The following BDP1 variants were observed in gnomAD, a reference collection of about 807,000 sequenced individuals.
The protein encoded by BDP1 is BDP1 general transcription factor IIIB subunit.
BDP1 carries 169 observed loss-of-function variants against 266.6 expected under a neutral mutation model. The observed-to-expected ratio is 0.63, with a 90% CI of 0.56 to 0.72. The LOEUF (loss-of-function observed/expected upper bound fraction) is 0.72. BDP1 is among the 30% of genes least tolerant of loss of function. BDP1 has a pLI of 0.00. For synonymous variants in BDP1, 1,090 were observed against 1,022.4 expected, an observed-to-expected ratio of 1.07 and a Z score of -1.26; for missense variants, 3,015 against 3,053.8, an observed-to-expected ratio of 0.99 and a Z score of 0.30.
intron 31 of BDP1, among the ~76,000 whole-genome samples, chr5:71,544,782 A>G (rs929244652): frequency 3.0e-4 from 43 of 145,736 alleles, no homozygotes; most frequent in African/African-American, 9.6e-4. Context: ...TGGGAGGCCG[A>G]GGCAGGAGAA....
chr5:71,572,308 G>T (rs1744292050), downstream of BDP1, among the ~76,000 whole-genome samples: 1 of 152,066 alleles, frequency 6.6e-6, no homozygotes, highest in East Asian at 1.9e-4. Flanking sequence ...ATCCCCCTTT[G>T]TTCAGTCCAC....
At position 71,495,302 on chromosome 5, in the gene BDP1, TC is replaced by T; in HGVS notation, c.1694del (p.Ser565Ter). Reference sequence around the variant, plus strand: ...AACTGAGTCTTCAGAATCAAGCACTTCAGATTTGCCTTCATTCGAAGTTGGA... The same window carrying T: ...AACTGAGTCTTCAGAATCAAGCACTTAGATTTGCCTTCATTCGAAGTTGGA... ...VATESSESST[S>X]DLPSFEVGIR... On this transcript the variant is annotated frameshift_variant, in exon 12 of 39. Transcript: ENST00000358731. LOFTEE classifies it high-confidence loss of function. The T allele has an allele frequency of 6.2e-7, 1 of 1,606,336 alleles. No homozygotes were observed. Among genetic ancestry groups the T allele is most frequent in the Non-Finnish European group, 8.5e-7 (1 of 1,175,606 alleles).
intron 19 of BDP1, among the ~76,000 whole-genome samples, chr5:71,514,028 C>T (rs964506126): frequency 1.3e-5 from 2 of 151,906 alleles, no homozygotes; most frequent in African/African-American, 2.4e-5. Context: ...CGAGAATAAT[C>T]GTTTTTTATT....
chr5:71,553,006 T>C, intron 34 of BDP1, 110 bp from the exon 35 acceptor site: 1 of 898,548 alleles, frequency 1.1e-6, no homozygotes, highest in South Asian at 1.8e-5. Flanking sequence ...TTCATTGGAA[T>C]ACCTCAGCCT....
chr5:71,548,476 A>T (rs977834645), intron 32 of BDP1, among the ~76,000 whole-genome samples: 13 of 152,172 alleles, frequency 8.5e-5, no homozygotes, highest in Non-Finnish European at 1.6e-4. Context: ...GCACATATTT[A>T]ACAATGTAGT....
Position 71,523,950 on chromosome 5 carries a change from C to G in BDP1, c.5399C>G (p.Pro1800Arg), listed in dbSNP as rs780875683. Residue 1800 changes from proline (P) to arginine (R), a missense_variant, in exon 25 of 39, where the codon CCG (proline) becomes CGG (arginine). By Grantham distance (103) the Pro-to-Arg change is moderately radical. Transcript: ENST00000358731. ...YLNKLTSCPQ[P>R]LNETSYSKIA... is the part of the protein sequence containing the mutation. The stretch of plus-strand genomic sequence containing the variant: ...GATTAAATATCTAGCTGTCCACAAC[C>G]GTTAAACGAAACAAGTTACTCTAAA... 3.1e-6 allele frequency: 5 copies of G among 1,612,828 alleles called. No individual in the cohort carries two copies. The South Asian group carries it at 4.4e-5, about 14-fold the overall frequency.
At chr5:71,503,093 C>A (rs1264699737) in intron 15 of BDP1, among the ~76,000 whole-genome samples, 4 of 151,298 alleles carry the variant, frequency 2.6e-5, no homozygotes, top group Non-Finnish European at 5.9e-5. Context: ...TTCACATGAT[C>A]TATAATGTTT....
chr5:71,494,774 G>GGT (rs1763782841), intron 11 of BDP1: 1 of 152,248 alleles, frequency 6.6e-6, no homozygotes, highest in Non-Finnish European at 1.5e-5. Context: ...GGAGTGCAGT[G>GGT]GTGTGATTCC....
intron 7 of BDP1, 48 bp downstream of exon 7, chr5:71,470,537 A>T: frequency 8.1e-7 from 1 of 1,228,882 alleles, no homozygotes; most frequent in Non-Finnish European, 1.2e-6. Context: ...ACCAAACATT[A>T]CAAATGTTAG....
At position 71,560,203 on chromosome 5, in the gene BDP1, A is replaced by G; in HGVS notation, c.7462A>G (p.Ser2488Gly). Residue 2488 changes from serine to glycine, a missense_variant, in exon 37 of 39, where the codon AGC becomes GGC. Ser to Gly is a moderately conservative substitution (Grantham distance 56). Transcript: ENST00000358731. ...DAAPKSQQMD[S>G]RTSSSKASLS... ...TGCTCCTAAGTCTCAGCAAATGGAT[A>G]GCAGAACATCGTCTTCTAAAGCCTC... The G allele has an allele frequency of 6.2e-7, 1 of 1,614,182 alleles. No individual in the cohort carries two copies. Among genetic ancestry groups the G allele is most frequent in the South Asian group, 1.1e-5 (1 of 91,078 alleles).
Position 71,504,753 on chromosome 5 carries a change from T to C in BDP1, c.2372+2T>C, listed in dbSNP as rs1764478756. On this transcript the variant is annotated splice_donor_variant, in intron 16 of 38. Coordinates refer to ENST00000358731, the MANE Select transcript of BDP1 (RefSeq NM_018429.3). LOFTEE classifies it high-confidence loss of function. Reference sequence around the variant, plus strand: ...CAAGGTTCTTAATGAATGTCTAAGGTAAGCATCATTTTGTTGATATATAAT... The same window carrying C: ...CAAGGTTCTTAATGAATGTCTAAGGCAAGCATCATTTTGTTGATATATAAT... 3 of 1,611,156 alleles carry C rather than the reference T, an allele frequency of 1.9e-6. No individual in the cohort carries two copies. Among genetic ancestry groups the C allele is most frequent in the Middle Eastern group, 1.7e-4 (1 of 6,054 alleles).
In BDP1 at chr5:71,524,107, G is replaced by T; in HGVS notation, c.5556G>T (p.Lys1852Asn). The change falls in exon 25 of 39, where the codon AAG (lysine) becomes AAT (asparagine). Residue 1852 changes from lysine (K) to asparagine (N), a missense_variant. By Grantham distance (94) the Lys-to-Asn change is moderately conservative (BLOSUM62 0). Around this residue, in one of 3 missense-constraint regions of BDP1, gnomAD observed 2,383 missense variants for 2,404.9 expected, o/e 0.99. Coordinates refer to ENST00000358731, the MANE Select transcript of BDP1 (RefSeq NM_018429.3). ...GTGGATCAAAACGAGTTCGGGGTAAGACCTCTAAGAAGGAACCTAGAGCTT... is the reference window on the plus strand; with the variant it reads ...GTGGATCAAAACGAGTTCGGGGTAATACCTCTAAGAAGGAACCTAGAGCTT... Reference protein sequence around the residue: ...RGRGSKRVRGKTSKKEPRASK... With the variant: ...RGRGSKRVRGNTSKKEPRASK... The T allele has an allele frequency of 2.5e-6, 4 of 1,614,220 alleles. No homozygotes were observed. Among genetic ancestry groups the T allele is most frequent in the Non-Finnish European group, 3.4e-6 (4 of 1,180,054 alleles).
intron 6 of BDP1, 90 bp from the exon 7 acceptor site, chr5:71,470,305 A>G: frequency 2.1e-6 from 2 of 957,582 alleles, no homozygotes; most frequent in Non-Finnish European, 1.6e-6. Context: ...TTCTAGTAAA[A>G]TTAAGTACTG....
downstream of BDP1, among the ~76,000 whole-genome samples, chr5:71,572,699 T>G (rs1744308238): frequency 6.6e-6 from 1 of 152,236 alleles, no homozygotes; most frequent in Non-Finnish European, 1.5e-5. Context: ...TTATTACGCA[T>G]AACCCATGGT....
At chr5:71,465,139 A>G (rs1271363158) in intron 4 of BDP1, among the ~76,000 whole-genome samples, 1 of 152,090 alleles carries the variant, frequency 6.6e-6, no homozygotes, top group South Asian at 2.1e-4. Context: ...CAAAAGTACT[A>G]GGATTACAGG....
chr5:71,533,002 A>G (rs1467321302), intron 26 of BDP1, among the ~76,000 whole-genome samples: 1 of 152,200 alleles, frequency 6.6e-6, no homozygotes, highest in East Asian at 1.9e-4. Flanking sequence ...TGCCTGTTCT[A>G]GATGTTTCCT....
chr5:71,504,680 A>T lies in BDP1; in HGVS notation c.2301A>T (p.Leu767Phe). The T allele has an allele frequency of 6.2e-7, 1 of 1,613,464 alleles. No individual in the cohort carries two copies. The highest frequency in any genetic ancestry group is 8.5e-7 in the Non-Finnish European group (1 of 1,179,494). ...RKDFEEEDVI[L>F]QPEKNDSFQN... Reference sequence around the variant, plus strand: ...ATTTTGAAGAGGAAGATGTCATATTACAGCCTGAGAAAAATGATTCTTTTC... The same window carrying T: ...ATTTTGAAGAGGAAGATGTCATATTTCAGCCTGAGAAAAATGATTCTTTTC... The change falls in exon 16 of 39, where the codon TTA (leucine) becomes TTT (phenylalanine). Residue 767 changes from leucine to phenylalanine, a missense_variant. Transcript: ENST00000358731.
chr5:71,476,952 C>T (rs1041171921), intron 7 of BDP1, among the ~76,000 whole-genome samples: 1 of 152,036 alleles, frequency 6.6e-6, no homozygotes, highest in Non-Finnish European at 1.5e-5. Context: ...ATCTGCCCAC[C>T]TCGGCCTCCC....
the BDP1 span, among the ~76,000 whole-genome samples, chr5:71,578,222 G>C: frequency 6.6e-6 from 1 of 152,124 alleles, no homozygotes; most frequent in Non-Finnish European, 1.5e-5. Flanking sequence ...AATATGGAGG[G>C]CTGTGTAAAG....
Sources: gnomAD v4.1 joint callset for allele counts (sites outside exome capture counted in the v4.1 genomes callset) on GRCh38, gnomAD v4.1.1 for gene constraint, gnomAD v4.1.1 regional missense constraint, MANE v1.5 for transcripts, NCBI Gene and HGNC (gene_info 2026-07-23, HGNC 2026-07-21) for gene names.